Variants in ZBTB21 observed in about 807,000 individuals in gnomAD.
The protein encoded by ZBTB21 is zinc finger and BTB domain-containing protein 21.
In ZBTB21, 10 loss-of-function variants were observed where a neutral mutation model predicts 39.8. The ratio of observed to expected loss-of-function variants is 0.25; its 90% CI spans 0.16 to 0.43. The LOEUF (loss-of-function observed/expected upper bound fraction) is 0.43, where lower values mean the gene tolerates loss of function less well. Among genes scored for constraint, ZBTB21 ranks in the 20% least tolerant of loss-of-function variants. ZBTB21 has a pLI of 1.00. For synonymous variants in ZBTB21, 551 were observed against 498.8 expected (o/e 1.10, Z -1.40); for missense variants, 1,221 against 1,296.3 (o/e 0.94, Z 0.89).
chr21:41,995,980 G>A (rs765463757), intron 2 of ZBTB21, among the ~76,000 whole-genome samples: 11 of 152,228 alleles, frequency 7.2e-5, no homozygotes, highest in Non-Finnish European at 1.6e-4. Flanking sequence ...GGGAACCTCC[G>A]CCTAGATTTC....
At chr21:42,005,598 C>G (rs985486838) in intron 1 of ZBTB21, among the ~76,000 whole-genome samples, 1 of 152,160 alleles carries the variant, frequency 6.6e-6, no homozygotes, top group African/African-American at 2.4e-5. Context: ...ATTAAAGAAC[C>G]CTAATATATT....
rs761436901 is a variant in ZBTB21 at position 41,992,629 on chromosome 21, G to A, written c.1467C>T (p.Asp489=). The A allele has an allele frequency of 1.4e-5, 23 of 1,614,130 alleles. No individual in the cohort carries two copies. The highest frequency in any genetic ancestry group is 1.9e-5 in the Non-Finnish European group (23 of 1,180,028). Residue 489 remains aspartate (D), a synonymous_variant, in exon 3 of 3, where the codon GAC becomes GAT. Coordinates refer to ENST00000310826, the MANE Select transcript of ZBTB21 (RefSeq NM_001098402.2). The surrounding 1 kb of genome is among the most constrained non-coding windows in gnomAD (Gnocchi z 4.1). Reference sequence around the variant, plus strand: ...TTAACTTCTTAAACGGCAATCTTCGGTCCGCTTGGAACCTCCTTTTTGCTG... The same window carrying A: ...TTAACTTCTTAAACGGCAATCTTCGATCCGCTTGGAACCTCCTTTTTGCTG... ...RLPAKRRFQA[D]RRLPFKKLKV...
chr21:41,989,971 A>G lies in ZBTB21; in HGVS notation c.*924T>C, dbSNP rs2065629002. On this transcript the variant is annotated 3_prime_UTR_variant, in exon 3 of 3. Coordinates refer to ENST00000310826, the MANE Select transcript of ZBTB21 (RefSeq NM_001098402.2). ...CCTTATTTGTTACACTAATGTTAAA[A>G]TCAAAATTAGTGCCATATGGTTAGC... is the stretch of plus-strand genomic sequence containing the variant. The G allele has an allele frequency of 6.6e-6, 1 of 152,228 alleles. No homozygotes were observed. The highest frequency in any genetic ancestry group is 2.4e-5 in the African/African-American group (1 of 41,472). The allele number at this position is 152,228 out of a possible 1,614,324, so 9.4% of individuals were successfully genotyped here.
At chr21:42,010,063 A>C (rs977023657) in intron 1 of ZBTB21, among the ~76,000 whole-genome samples, 189 bp downstream of exon 1, 4 of 152,238 alleles carry the variant, frequency 2.6e-5, no homozygotes, top group African/African-American at 9.6e-5. Flanking sequence ...AACCCGGGAC[A>C]TGCTCGGTGA....
At chr21:42,003,452 G>T (rs1027215407) in intron 1 of ZBTB21, among the ~76,000 whole-genome samples, 4 of 152,124 alleles carry the variant, frequency 2.6e-5, no homozygotes, top group African/African-American at 9.7e-5. Flanking sequence ...AATTAATTTG[G>T]CCAGGGTGTA....
Position 41,997,433 on chromosome 21 carries a change from G to A in ZBTB21, c.-13-3325C>T, listed in dbSNP as rs372435873. 1.8e-4 allele frequency among the ~76,000 whole-genome samples: 27 copies of A among 151,986 alleles called. 1 individual carries two copies. Among genetic ancestry groups the A allele is most frequent in the Middle Eastern group, 6.8e-3 (2 of 294 alleles). The stretch of plus-strand genomic sequence containing the variant: ...TCTACTAAAAATACAAAAATTAGCC[G>A]AGGGTGGTGGCATGTGCCTGTAATC... On this transcript the variant is annotated intron_variant, in intron 2 of 2. Coordinates refer to ENST00000310826, the MANE Select transcript of ZBTB21 (RefSeq NM_001098402.2).
chr21:41,991,523 G>C lies in ZBTB21; in HGVS notation c.2573C>G (p.Ser858Trp). 1.2e-6 allele frequency: 2 copies of C among 1,614,156 alleles called. No homozygotes were observed. Among genetic ancestry groups the C allele is most frequent in the Non-Finnish European group, 1.7e-6 (2 of 1,180,032 alleles). Residue 858 changes from serine (S) to tryptophan (W), a missense_variant, in exon 3 of 3, where the codon TCG (serine) becomes TGG (tryptophan). Physicochemically the swap from Ser to Trp is radical, Grantham distance 177. Around this residue, in one of 4 missense-constraint regions of ZBTB21, gnomAD observed 523 missense variants for 542.5 expected, o/e 0.96. Coordinates refer to ENST00000310826, the MANE Select transcript of ZBTB21 (RefSeq NM_001098402.2). This position sits in a 1 kb window ranked among gnomAD's most constrained non-coding sequence, Gnocchi z 4.9. ...SDSSEQVNFDSEDSSCLPEDL... is the reference protein window; with the variant it reads ...SDSSEQVNFDWEDSSCLPEDL... The stretch of plus-strand genomic sequence containing the variant: ...TTCGGGAAGACAAGAGGAATCTTCC[G>C]AGTCGAAGTTAACTTGTTCTGAAGA...
At chr21:42,000,607 C>T (rs1176760717) in intron 2 of ZBTB21, among the ~76,000 whole-genome samples, 1 of 152,178 alleles carries the variant, frequency 6.6e-6, no homozygotes, top group East Asian at 1.9e-4. Flanking sequence ...ATTTGTGTCC[C>T]TTTTGTTTAG....
In ZBTB21 at chr21:41,991,578, T is replaced by G. The variant is rs778210526; in HGVS notation, c.2518A>C (p.Thr840Pro). The G allele has an allele frequency of 1.8e-5, 29 of 1,614,096 alleles. No individual in the cohort carries two copies. In the Admixed American group the frequency reaches 2.2e-4, roughly 12 times the overall value. ...PEPNKVNHIV[T>P]TKDDNVFSDS... ...CTGAACACGTTGTCGTCTTTTGTGG[T>G]GACGATGTGGTTTACTTTGTTGGGC... is the stretch of plus-strand genomic sequence containing the variant. The change falls in exon 3 of 3, where the codon ACC becomes CCC. Residue 840 changes from threonine to proline, a missense_variant. Transcript: ENST00000310826. The surrounding 1 kb of genome is among the most constrained non-coding windows in gnomAD (Gnocchi z 4.9).
Position 41,994,043 on chromosome 21 carries a change from C to T in ZBTB21, c.53G>A (p.Ser18Asn). 6.2e-7 allele frequency: 1 copy of T among 1,613,780 alleles called. No homozygotes were observed. The highest frequency in any genetic ancestry group is 1.1e-5 in the South Asian group (1 of 90,960). ...INPAHAISLL[S>N]ALNEERLKGQ... ...TTTGAGACGCTCCTCATTCAGGGCA[C>T]TTAGGAGAGAAATGGCGTGTGCAGG... The change falls in exon 3 of 3, where the codon AGT becomes AAT. Residue 18 changes from serine to asparagine, a missense_variant. Around this residue, in one of 4 missense-constraint regions of ZBTB21, gnomAD observed 108 missense variants for 155.0 expected, o/e 0.70. Transcript: ENST00000310826.
In ZBTB21 at chr21:41,991,874, T is replaced by A; in HGVS notation, c.2222A>T (p.Glu741Val). Reference sequence around the variant, plus strand: ...GACGGCCGCGTTCCGGCACAGCCGCTCGTGGCTTCCTTGCTCTAGGAGAGA... The same window carrying A: ...GACGGCCGCGTTCCGGCACAGCCGCACGTGGCTTCCTTGCTCTAGGAGAGA... ...LSSLLEQGSH[E>V]RLCRNAAVCP... Residue 741 changes from glutamate to valine, a missense_variant, in exon 3 of 3, where the codon GAG (glutamate) becomes GTG (valine). Around this residue, in one of 4 missense-constraint regions of ZBTB21, gnomAD observed 523 missense variants for 542.5 expected, o/e 0.96. Coordinates refer to ENST00000310826, the MANE Select transcript of ZBTB21 (RefSeq NM_001098402.2). This position sits in a 1 kb window ranked among gnomAD's most constrained non-coding sequence, Gnocchi z 4.9. The A allele has an allele frequency of 6.2e-7, 1 of 1,614,166 alleles. No individual in the cohort carries two copies. The highest frequency in any genetic ancestry group is 8.5e-7 in the Non-Finnish European group (1 of 1,180,050).
chr21:42,002,990 T>C (rs903037051), intron 1 of ZBTB21, 29 bp from the exon 2 acceptor site: 1 of 152,262 alleles, frequency 6.6e-6, no homozygotes, highest in Non-Finnish European at 1.5e-5. Context: ...AGAATCTTTA[T>C]GGTTAACAAT....
intron 1 of ZBTB21, among the ~76,000 whole-genome samples, chr21:42,004,318 A>C (rs1175525355): frequency 1.3e-5 from 2 of 152,148 alleles, no homozygotes; most frequent in Non-Finnish European, 2.9e-5. Context: ...GCCCGGCCTC[A>C]TATCTTAACA....
At chr21:41,997,828 C>T (rs1371718175) in intron 2 of ZBTB21, among the ~76,000 whole-genome samples, 1 of 151,952 alleles carries the variant, frequency 6.6e-6, no homozygotes, top group Non-Finnish European at 1.5e-5. Context: ...TGGTAGAGTG[C>T]AAGCTCTGGT....
Position 41,999,828 on chromosome 21 carries a change from GAAGT to G in ZBTB21, c.-14+3065_-14+3068del, listed in dbSNP as rs199878771. On this transcript the variant is annotated intron_variant, in intron 2 of 2. Transcript: ENST00000310826. The stretch of plus-strand genomic sequence containing the variant: ...TAAGATGACATCTGAGAGGCAATAA[GAAGT>G]AAGACCGTCTAGGGCTGGGAGACCT... Among the ~76,000 whole-genome samples, 380 of 152,316 alleles carry G rather than the reference GAAGT, an allele frequency of 2.5e-3. 4 individuals carry two copies. Among genetic ancestry groups the G allele is most frequent in the African/African-American group, 8.8e-3 (364 of 41,566 alleles).
intron 2 of ZBTB21, among the ~76,000 whole-genome samples, chr21:41,994,701 T>C (rs190925669): frequency 5.2e-4 from 79 of 152,226 alleles, no homozygotes; most frequent in African/African-American, 1.9e-3. Context: ...GCTCAAGCAA[T>C]CCTCCCACTC....
At position 41,988,635 on chromosome 21, in the gene ZBTB21, A is replaced by C. The variant is rs922445709; in HGVS notation, c.*2260T>G. ...ATAGAAAAACCAGAACGGCATTATA[A>C]ATGTTTTTGGTTCAAAATTTTATTT... On this transcript the variant is annotated 3_prime_UTR_variant, in exon 3 of 3. Transcript: ENST00000310826. 3 of 152,176 alleles carry C rather than the reference A, an allele frequency of 2.0e-5. No homozygotes were observed. The highest frequency in any genetic ancestry group is 7.2e-5 in the African/African-American group (3 of 41,444). 9.4% of individuals were successfully genotyped at this position (152,176 alleles called of 1,614,324 possible). A position where few individuals can be genotyped will look rare whatever the true frequency, so the allele number is the denominator to read the frequency against.
chr21:41,997,581 A>C (rs1208237346), intron 2 of ZBTB21, among the ~76,000 whole-genome samples: 1 of 139,316 alleles, frequency 7.2e-6, no homozygotes, highest in African/African-American at 2.8e-5. Context: ...GTCTCAAAAA[A>C]AAAAAAAACA....
intron 1 of ZBTB21, among the ~76,000 whole-genome samples, chr21:42,004,107 C>T (rs2065849909): frequency 6.6e-6 from 1 of 151,262 alleles, no homozygotes; most frequent in African/African-American, 2.4e-5. Flanking sequence ...TCAAGCAATT[C>T]TCCTGTCTCA....
Sources: allele counts gnomAD v4.1 joint callset (sites outside exome capture counted in the v4.1 genomes callset), GRCh38; gene constraint gnomAD v4.1.1; regional missense constraint gnomAD v4.1.1; non-coding constraint Gnocchi (gnomAD v3.1); transcripts MANE v1.5; gene names NCBI Gene and HGNC (gene_info 2026-07-23, HGNC 2026-07-21).